The following CDC42EP1 variants were observed in gnomAD, a reference collection of about 807,000 sequenced individuals.
CDC42EP1 encodes the protein CDC42 effector protein 1.
A neutral mutation model predicts 7.4 loss-of-function variants in CDC42EP1; 6 were observed. That is an observed-to-expected ratio of 0.81 (90% confidence interval 0.44 to 1.60). CDC42EP1 has a LOEUF of 1.60. Among genes scored for constraint, CDC42EP1 ranks in the 40% most tolerant of loss-of-function variants. The probability of loss-of-function intolerance (pLI) is 0.01; values close to 1 mark genes in which losing one functional copy is unlikely to be tolerated. For missense variants in CDC42EP1, 567 were observed against 539.0 expected (o/e 1.05, Z -0.51); for synonymous variants, 238 against 227.1 (o/e 1.05, Z -0.43).
intron 1 of CDC42EP1, among the ~76,000 whole-genome samples, chr22:37,562,639 G>A (rs370583665): frequency 1.5e-4 from 23 of 152,248 alleles, no homozygotes; most frequent in African/African-American, 5.3e-4. Flanking sequence ...AGAGTCTCTC[G>A]ACCGCAGTAG....
rs1925261599 is a variant in CDC42EP1, at chr22:37,566,727, C to T, written c.378C>T (p.Asn126=). Residue 126 remains asparagine, a synonymous_variant, in exon 2 of 3, where the codon AAC becomes AAT. Transcript: ENST00000249014. This position sits in a 1 kb window ranked among gnomAD's most constrained non-coding sequence, Gnocchi z 6.4. The stretch of plus-strand genomic sequence containing the variant: ...ACGCCATCTCCCTGCCCCAGCTCAA[C>T]CAGGCCGCCTACGACAGCCTCGTGG... ...IKNAISLPQL[N]QAAYDSLVVG... 3.7e-6 allele frequency: 6 copies of T among 1,612,478 alleles called. No homozygotes were observed. Among genetic ancestry groups the T allele is most frequent in the Non-Finnish European group, 4.2e-6 (5 of 1,179,168 alleles).
At position 37,561,422 on chromosome 22, in the gene CDC42EP1, G is replaced by T. The variant is rs138869683; in HGVS notation, c.-279+834G>T. On this transcript the variant is annotated intron_variant, in intron 1 of 2. Transcript: ENST00000249014. ...CCGGGCTGGTTCGGCTCTAACTCGG[G>T]GCGGTGGGCACGAAGCGCGTCTCCT... Among the ~76,000 whole-genome samples, 1,015 of 152,342 alleles carry T rather than the reference G, an allele frequency of 6.7e-3. 4 individuals carry two copies. Among genetic ancestry groups the T allele is most frequent in the Admixed American group, 0.01 (157 of 15,310 alleles).
chr22:37,568,805 T>G lies in CDC42EP1; in HGVS notation c.1161T>G (p.Asp387Glu). 2 of 1,493,464 alleles carry G rather than the reference T, an allele frequency of 1.3e-6. No homozygotes were observed. Among genetic ancestry groups the G allele is most frequent in the Non-Finnish European group, 1.8e-6 (2 of 1,120,776 alleles). 92.5% of individuals were successfully genotyped at this position (1,493,464 alleles called of 1,614,324 possible). A position where few individuals can be genotyped will look rare whatever the true frequency, so the allele number is the denominator to read the frequency against. ...TFEFADAEED[D>E]EVKV ...AATTTGCGGATGCTGAGGAGGATGA[T>G]GAGGTCAAGGTGTGAGGGGCTGGGG... is the stretch of plus-strand genomic sequence containing the variant. Residue 387 changes from aspartate (D) to glutamate (E), a missense_variant, in exon 3 of 3, where the codon GAT becomes GAG. Asp to Glu is a conservative substitution (Grantham distance 45, BLOSUM62 2). Transcript: ENST00000249014.
chr22:37,567,272 G>A (rs947164283), intron 2 of CDC42EP1, among the ~76,000 whole-genome samples: 1 of 152,146 alleles, frequency 6.6e-6, no homozygotes, highest in African/African-American at 2.4e-5. Flanking sequence ...CGGGGTCATT[G>A]CTAAGATTCA....
intron 1 of CDC42EP1, chr22:37,565,643 GA>G (rs1364637740): frequency 1.5e-5 from 2 of 131,778 alleles, no homozygotes; most frequent in African/African-American, 5.8e-5. Context: ...GCCGTGATGT[GA>G]TCTTGGCTCA....
In CDC42EP1 at chr22:37,566,263, G is replaced by T. The variant is rs1925231250; in HGVS notation, c.-87G>T. On this transcript the variant is annotated 5_prime_UTR_variant, in exon 2 of 3. Coordinates refer to ENST00000249014, the MANE Select transcript of CDC42EP1 (RefSeq NM_152243.3). This position sits in a 1 kb window ranked among gnomAD's most constrained non-coding sequence, Gnocchi z 6.4. ...ATTTACAGCTTCCGCCAGGGCAAAG[G>T]AGCTGAGCAGCCATCCCAAGCCCAG... 9.3e-6 allele frequency: 7 copies of T among 752,724 alleles called. No homozygotes were observed. The highest frequency in any genetic ancestry group is 7.6e-5 in the South Asian group (4 of 52,432). 46.6% of individuals were successfully genotyped at this position (752,724 alleles called of 1,614,324 possible).
intron 1 of CDC42EP1, among the ~76,000 whole-genome samples, chr22:37,561,701 G>T (rs889015287): frequency 6.6e-6 from 1 of 152,150 alleles, no homozygotes; most frequent in Non-Finnish European, 1.5e-5. Flanking sequence ...CCAGCGGTGG[G>T]GGGGGGCGTC....
rs202138466 is a variant in CDC42EP1 at position 37,566,703 on chromosome 22, C to T, written c.354C>T (p.Asn118=). Residue 118 remains asparagine (N), a synonymous_variant, in exon 2 of 3, where the codon AAC becomes AAT. Coordinates refer to ENST00000249014, the MANE Select transcript of CDC42EP1 (RefSeq NM_152243.3). The surrounding 1 kb of genome is among the most constrained non-coding windows in gnomAD (Gnocchi z 6.4). The part of the protein sequence containing the change: ...APPAISPIIK[N]AISLPQLNQA... ...CGGCCATCTCCCCCATCATCAAGAA[C>T]GCCATCTCCCTGCCCCAGCTCAACC... The T allele has an allele frequency of 6.3e-5, 102 of 1,612,364 alleles. No homozygotes were observed. The East Asian group carries it at 9.4e-4, about 15-fold the overall frequency.
At position 37,569,348 on chromosome 22, in the gene CDC42EP1, G is replaced by C. The variant is rs1039823287; in HGVS notation, c.*528G>C. 6.6e-6 allele frequency: 1 copy of C among 152,596 alleles called. No homozygotes were observed. The highest frequency in any genetic ancestry group is 6.5e-5 in the Admixed American group (1 of 15,276). The allele number at this position is 152,596 out of a possible 1,614,324, so 9.5% of individuals were successfully genotyped here. On this transcript the variant is annotated 3_prime_UTR_variant, in exon 3 of 3. Transcript: ENST00000249014. ...GACCTCCCGGGGAGGAATCCCACCT[G>C]CCTGTATACCCCAGACTTGCCTCTG...
Position 37,568,493 on chromosome 22 carries a change from T to C in CDC42EP1, c.849T>C (p.His283=). ...CCCCTGCCGCAAGCTCCACACCCCATGGACACTGTCCCAATGGGGTAACAG... is the reference window on the plus strand; with the variant it reads ...CCCCTGCCGCAAGCTCCACACCCCACGGACACTGTCCCAATGGGGTAACAG... ...PPAPAASSTP[H]GHCPNGVTAG... is the part of the protein sequence containing the mutation. Residue 283 remains histidine, a synonymous_variant, in exon 3 of 3, where the codon CAT becomes CAC. Coordinates refer to ENST00000249014, the MANE Select transcript of CDC42EP1 (RefSeq NM_152243.3). 1.2e-6 allele frequency: 2 copies of C among 1,608,186 alleles called. No homozygotes were observed. The highest frequency in any genetic ancestry group is 1.7e-6 in the Non-Finnish European group (2 of 1,177,378).
chr22:37,568,558 T>G lies in CDC42EP1; in HGVS notation c.914T>G (p.Val305Gly). 2 of 1,607,386 alleles carry G rather than the reference T, an allele frequency of 1.2e-6. No individual in the cohort carries two copies. The highest frequency in any genetic ancestry group is 1.7e-6 in the Non-Finnish European group (2 of 1,177,168). The change falls in exon 3 of 3, where the codon GTG becomes GGG. Residue 305 changes from valine (V) to glycine (G), a missense_variant. Coordinates refer to ENST00000249014, the MANE Select transcript of CDC42EP1 (RefSeq NM_152243.3). Reference protein sequence around the residue: ...GPVAEVKSSPVGGGPRGPAGP... With the variant: ...GPVAEVKSSPGGGGPRGPAGP... ...GTGGCTGAGGTGAAGTCCAGCCCAG[T>G]GGGAGGGGGTCCCCGAGGACCTGCT...
chr22:37,565,313 GAGT>G (rs1284508754), intron 1 of CDC42EP1, among the ~76,000 whole-genome samples: 3 of 150,186 alleles, frequency 2.0e-5, no homozygotes, highest in African/African-American at 4.9e-5. Context: ...TTAGCCTCCT[GAGT>G]AGCTAGGACC....
Position 37,568,975 on chromosome 22 carries a change from G to T in CDC42EP1, c.*155G>T, listed in dbSNP as rs1925382473. 2 of 479,836 alleles carry T rather than the reference G, an allele frequency of 4.2e-6. No individual in the cohort carries two copies. The highest frequency in any genetic ancestry group is 7.0e-6 in the Non-Finnish European group (2 of 286,500). The allele number at this position is 479,836 out of a possible 1,614,324, so 29.7% of individuals were successfully genotyped here. A position where few individuals can be genotyped will look rare whatever the true frequency, so the allele number is the denominator to read the frequency against. On this transcript the variant is annotated 3_prime_UTR_variant, in exon 3 of 3. Coordinates refer to ENST00000249014, the MANE Select transcript of CDC42EP1 (RefSeq NM_152243.3). ...AGACATGGGAGGGAGGACAGGGAAGGCCAGGCTTGCTCTGGGACTTTTATG... is the reference window on the plus strand; with the variant it reads ...AGACATGGGAGGGAGGACAGGGAAGTCCAGGCTTGCTCTGGGACTTTTATG...
At chr22:37,563,669 A>G (rs955152823) in intron 1 of CDC42EP1, 2 of 152,206 alleles carry the variant, frequency 1.3e-5, no homozygotes. Context: ...TGAGATTTCT[A>G]TGCTTGGAGG....
At chr22:37,561,162 C>T (rs890566358) in intron 1 of CDC42EP1, among the ~76,000 whole-genome samples, 2 of 152,206 alleles carry the variant, frequency 1.3e-5, no homozygotes, top group Non-Finnish European at 2.9e-5. Flanking sequence ...TGAGCCCCGT[C>T]CCCCCAGGGA....
chr22:37,565,073 C>T (rs905014647), intron 1 of CDC42EP1, among the ~76,000 whole-genome samples: 4 of 152,144 alleles, frequency 2.6e-5, no homozygotes, highest in African/African-American at 7.2e-5. Flanking sequence ...CCACCGCGCC[C>T]AGCCCCTCAG....
chr22:37,561,967 G>A (rs1390633308), intron 1 of CDC42EP1, among the ~76,000 whole-genome samples: 2 of 152,226 alleles, frequency 1.3e-5, no homozygotes, highest in Non-Finnish European at 2.9e-5. Context: ...GTGAGCTCAG[G>A]CCATGTGCCC....
chr22:37,568,353 A>C lies in CDC42EP1; in HGVS notation c.709A>C (p.Asn237His). 6.6e-7 allele frequency: 1 copy of C among 1,513,800 alleles called. No individual in the cohort carries two copies. The highest frequency in any genetic ancestry group is 2.8e-5 in the East Asian group (1 of 35,730). 93.8% of individuals were successfully genotyped at this position (1,513,800 alleles called of 1,614,324 possible). The change falls in exon 3 of 3, where the codon AAC (asparagine) becomes CAC (histidine). Residue 237 changes from asparagine to histidine, a missense_variant. Transcript: ENST00000249014. Reference protein sequence around the residue: ...PAANPPAPTANPTGPAANPPA... With the variant: ...PAANPPAPTAHPTGPAANPPA... The stretch of plus-strand genomic sequence containing the variant: ...TGCAAACCCCCCAGCCCCTACTGCA[A>C]ACCCCACGGGTCCTGCTGCAAACCC...
At chr22:37,560,789 T>C (rs1027269387) in intron 1 of CDC42EP1, among the ~76,000 whole-genome samples, 1 of 151,842 alleles carries the variant, frequency 6.6e-6, no homozygotes, top group African/African-American at 2.4e-5. Context: ...GCTTTCGGGC[T>C]TCGTGTCCCG....
Sources: gnomAD v4.1 joint callset for allele counts (sites outside exome capture counted in the v4.1 genomes callset) on GRCh38, gnomAD v4.1.1 for gene constraint, Gnocchi (gnomAD v3.1) non-coding constraint, MANE v1.5 for transcripts, NCBI Gene and HGNC (gene_info 2026-07-23, HGNC 2026-07-21) for gene names.